Variants in RLF observed in about 807,000 individuals in gnomAD.
The protein encoded by RLF is RLF zinc finger.
In RLF, 7 loss-of-function variants were observed where a neutral mutation model predicts 162.9. The ratio of observed to expected loss-of-function variants is 0.04; its 90% CI spans 0.02 to 0.08. The LOEUF is 0.08. RLF is among the 10% of genes least tolerant of loss of function. The probability of loss-of-function intolerance (pLI) is 1.00; values close to 1 mark genes in which losing one functional copy is unlikely to be tolerated. For missense variants in RLF, 1,664 were observed against 2,244.7 expected (o/e 0.74, Z 5.23); for synonymous variants, 782 against 791.5 (o/e 0.99, Z 0.20).
At chr1:40,221,899 C>CAAAAAAAAAA (rs895455745) in intron 5 of RLF, among the ~76,000 whole-genome samples, 10,823 of 64,254 alleles carry the variant, frequency 0.17, 1,039 homozygotes, top group Non-Finnish European at 0.21. Context: ...GACTCCGTCT[C>CAAAAAAAAAA]AAAAAAAAAA....
Position 40,236,697 on chromosome 1 carries a change from G to T in RLF, c.1995G>T (p.Leu665=). 1 of 1,614,062 alleles carries T rather than the reference G, an allele frequency of 6.2e-7. No homozygotes were observed. The highest frequency in any genetic ancestry group is 2.2e-5 in the East Asian group (1 of 44,878). The change falls in exon 8 of 8, where the codon CTG becomes CTT. Residue 665 remains leucine, a synonymous_variant. Coordinates refer to ENST00000372771, the MANE Select transcript of RLF (RefSeq NM_012421.4). This position sits in a 1 kb window ranked among gnomAD's most constrained non-coding sequence, Gnocchi z 7.7. Reference sequence around the variant, plus strand: ...TCAGCAAATTAGAAGATTGCCACCTGCAAGACAGAGATTTGTATCCATGTC... The same window carrying T: ...TCAGCAAATTAGAAGATTGCCACCTTCAAGACAGAGATTTGTATCCATGTC... ...VTFSKLEDCH[L]QDRDLYPCPG...
intron 1 of RLF, among the ~76,000 whole-genome samples, chr1:40,182,753 G>A (rs201164376): frequency 2.9e-3 from 436 of 148,864 alleles, no homozygotes; most frequent in African/African-American, 9.9e-3. Context: ...AGATAGATAG[G>A]TAGATAGATA....
intron 6 of RLF, among the ~76,000 whole-genome samples, chr1:40,223,408 A>G (rs890827374): frequency 1.3e-4 from 20 of 152,298 alleles, no homozygotes; most frequent in African/African-American, 2.6e-4. Flanking sequence ...AGAGGTGCTC[A>G]CTGTATACCA....
At chr1:40,204,525 G>A (rs910594508) in intron 5 of RLF, among the ~76,000 whole-genome samples, 6 of 152,078 alleles carry the variant, frequency 3.9e-5, no homozygotes, top group African/African-American at 1.4e-4. Context: ...TCCCACCTCA[G>A]CCCCTGGAGT....
chr1:40,236,418 T>C lies in RLF; in HGVS notation c.1716T>C (p.His572=). ...RECIEARILH[H]SKMHMEDGIY... ...GTATAGAGGCTAGAATTCTTCATCA[T>C]TCTAAGATGCATATGGAAGATGGAA... The change falls in exon 8 of 8, where the codon CAT becomes CAC. Residue 572 remains histidine (H), a synonymous_variant. Transcript: ENST00000372771. The surrounding 1 kb of genome is among the most constrained non-coding windows in gnomAD (Gnocchi z 7.7). 1 of 1,614,126 alleles carries C rather than the reference T, an allele frequency of 6.2e-7. No individual in the cohort carries two copies. The highest frequency in any genetic ancestry group is 8.5e-7 in the Non-Finnish European group (1 of 1,180,006).
At chr1:40,188,897 A>G (rs1642520973) in intron 1 of RLF, among the ~76,000 whole-genome samples, 158 bp from the exon 2 acceptor site, 1 of 152,238 alleles carries the variant, frequency 6.6e-6, no homozygotes, top group African/African-American at 2.4e-5. Flanking sequence ...TAAGTGATGA[A>G]AATAGAAGCT....
chr1:40,214,138 G>T (rs1642895244), intron 5 of RLF, among the ~76,000 whole-genome samples: 1 of 152,152 alleles, frequency 6.6e-6, no homozygotes, highest in Non-Finnish European at 1.5e-5. Flanking sequence ...AAGAAATAAT[G>T]CAGAAATGCC....
At chr1:40,216,678 A>T (rs1642928388) in intron 5 of RLF, among the ~76,000 whole-genome samples, 2 of 152,180 alleles carry the variant, frequency 1.3e-5, no homozygotes, top group South Asian at 4.1e-4. Context: ...AAAAATAGAA[A>T]AAGAGGGAAC....
Position 40,217,830 on chromosome 1 carries a change from A to G in RLF, c.811-4744A>G, listed in dbSNP as rs189656408. The stretch of plus-strand genomic sequence containing the variant: ...CCTACTTAAGTCACAACATAGCATA[A>G]GGTAAAAGAAGTAACATATAACCAG... On this transcript the variant is annotated intron_variant, in intron 5 of 7. Transcript: ENST00000372771. 3.5e-4 allele frequency among the ~76,000 whole-genome samples: 53 copies of G among 152,280 alleles called. No individual in the cohort carries two copies. In the East Asian group the frequency reaches 0.01, roughly 29 times the overall value.
Position 40,222,597 on chromosome 1 carries a change from A to G in RLF, c.834A>G (p.Glu278=), listed in dbSNP as rs1397859179. 2 of 1,613,434 alleles carry G rather than the reference A, an allele frequency of 1.2e-6. No individual in the cohort carries two copies. Among genetic ancestry groups the G allele is most frequent in the Non-Finnish European group, 1.7e-6 (2 of 1,179,696 alleles). Residue 278 remains glutamate, a synonymous_variant, in exon 6 of 8, where the codon GAA becomes GAG. Transcript: ENST00000372771. ...AGATTGCAAAGGTCGACTGCAAGGA[A>G]GTACTAGACATCATTTGTAATCTGG... ...IKEIAKVDCK[E]VLDIICNLES...
chr1:40,203,595 A>T (rs568902754), intron 5 of RLF, among the ~76,000 whole-genome samples: 1 of 151,996 alleles, frequency 6.6e-6, no homozygotes, highest in East Asian at 1.9e-4. Context: ...AAAAAAAAAA[A>T]ACCTCAATTA....
In RLF at chr1:40,237,784, G is replaced by A. The variant is rs1449169460; in HGVS notation, c.3082G>A (p.Asp1028Asn). 1 of 1,614,068 alleles carries A rather than the reference G, an allele frequency of 6.2e-7. No individual in the cohort carries two copies. The highest frequency in any genetic ancestry group is 8.5e-7 in the Non-Finnish European group (1 of 1,180,002). The change falls in exon 8 of 8, where the codon GAT (aspartate) becomes AAT (asparagine). Residue 1028 changes from aspartate (D) to asparagine (N), a missense_variant. By Grantham distance (23) the Asp-to-Asn change is conservative. Coordinates refer to ENST00000372771, the MANE Select transcript of RLF (RefSeq NM_012421.4). The surrounding 1 kb of genome is among the most constrained non-coding windows in gnomAD (Gnocchi z 4.4). ...TNSDSPDEGL[D>N]HNIHIKCKRE... ...CAGTGACTCCCCAGATGAAGGTCTA[G>A]ATCACAATATTCACATTAAATGTAA... is the stretch of plus-strand genomic sequence containing the variant.
intron 1 of RLF, among the ~76,000 whole-genome samples, chr1:40,174,807 T>A (rs1642296958): frequency 6.6e-6 from 1 of 152,244 alleles, no homozygotes; most frequent in Non-Finnish European, 1.5e-5. Flanking sequence ...TGATTAGAAC[T>A]GAAAGTATTT....
In RLF at chr1:40,224,600, T is replaced by C. The variant is rs1293446423; in HGVS notation, c.947+1890T>C. Among the ~76,000 whole-genome samples, 456 of 93,668 alleles carry C rather than the reference T, an allele frequency of 4.9e-3. 3 individuals carry two copies. The highest frequency in any genetic ancestry group is 6.9e-3 in the East Asian group (22 of 3,194). The allele number at this position is 93,668 out of a possible 152,430, so 61.4% of individuals were successfully genotyped here. On this transcript the variant is annotated intron_variant, in intron 6 of 7. Coordinates refer to ENST00000372771, the MANE Select transcript of RLF (RefSeq NM_012421.4). ...CATCTTTTTTTTTTTTTTTTTTTTTTCCCCTTCCATTGTTTTTGAAAGCTT... is the reference window on the plus strand; with the variant it reads ...CATCTTTTTTTTTTTTTTTTTTTTTCCCCCTTCCATTGTTTTTGAAAGCTT...
rs565267499 is a variant in RLF, at chr1:40,235,250, G to A, written c.1090-542G>A. 2.8e-3 allele frequency among the ~76,000 whole-genome samples: 419 copies of A among 151,868 alleles called. 1 individual carries two copies. Among genetic ancestry groups the A allele is most frequent in the Non-Finnish European group, 5.1e-3 (348 of 67,938 alleles). On this transcript the variant is annotated intron_variant, in intron 7 of 7. Coordinates refer to ENST00000372771, the MANE Select transcript of RLF (RefSeq NM_012421.4). ...CTAATTTTGTATTTTTAGTAGAGAC[G>A]GGGTTTCTCCGTGTTGGTCAGGCTG... is the stretch of plus-strand genomic sequence containing the variant.
intron 1 of RLF, among the ~76,000 whole-genome samples, chr1:40,164,649 A>G (rs187062475): frequency 6.6e-6 from 1 of 152,298 alleles, no homozygotes; most frequent in East Asian, 1.9e-4. Flanking sequence ...TGTCTTCTCA[A>G]GTTTTTCCTG....
chr1:40,239,581 C>T lies in RLF; in HGVS notation c.4879C>T (p.His1627Tyr), dbSNP rs926243881. The T allele has an allele frequency of 4.3e-6, 7 of 1,614,014 alleles. No homozygotes were observed. Among genetic ancestry groups the T allele is most frequent in the Non-Finnish European group, 5.9e-6 (7 of 1,180,038 alleles). Reference protein sequence around the residue: ...SCESERTEHSHSPGDSSAPIQ... With the variant: ...SCESERTEHSYSPGDSSAPIQ... ...TGAATCAGAGCGCACAGAACACAGCCATTCCCCGGGTGACAGTAGTGCACC... is the reference window on the plus strand; with the variant it reads ...TGAATCAGAGCGCACAGAACACAGCTATTCCCCGGGTGACAGTAGTGCACC... The change falls in exon 8 of 8, where the codon CAT (histidine) becomes TAT (tyrosine). Residue 1627 changes from histidine to tyrosine, a missense_variant. By Grantham distance (83) the His-to-Tyr change is moderately conservative. This residue lies in a region of RLF where 327 missense variants were observed against 342.7 expected (regional missense o/e 0.95). Coordinates refer to ENST00000372771, the MANE Select transcript of RLF (RefSeq NM_012421.4).
At chr1:40,187,232 A>C (rs1413770305) in intron 1 of RLF, among the ~76,000 whole-genome samples, 3 of 152,010 alleles carry the variant, frequency 2.0e-5, no homozygotes, top group Non-Finnish European at 2.9e-5. Flanking sequence ...GGTTTCACCC[A>C]TGTTGGCCAG....
chr1:40,186,239 TGGGA>T (rs545992970), intron 1 of RLF, among the ~76,000 whole-genome samples: 45 of 151,968 alleles, frequency 3.0e-4, no homozygotes, highest in African/African-American at 1.0e-3. Flanking sequence ...GAGGCTGAAG[TGGGA>T]GGATCACCAG....
Sources: allele counts gnomAD v4.1 joint callset (sites outside exome capture counted in the v4.1 genomes callset), GRCh38; gene constraint gnomAD v4.1.1; regional missense constraint gnomAD v4.1.1; non-coding constraint Gnocchi (gnomAD v3.1); transcripts MANE v1.5; gene names NCBI Gene and HGNC (gene_info 2026-07-23, HGNC 2026-07-21).